The following ALCAM variants were observed in gnomAD, a reference collection of about 807,000 sequenced individuals.
The protein encoded by ALCAM is activated leukocyte cell adhesion molecule.
A neutral mutation model predicts 70.9 loss-of-function variants in ALCAM; 30 were observed. That is an observed-to-expected ratio of 0.42 (90% confidence interval 0.32 to 0.57). ALCAM has a LOEUF of 0.57. ALCAM is among the 20% of genes least tolerant of loss of function. The pLI is 0.11. For synonymous variants in ALCAM, 249 were observed against 242.5 expected, an observed-to-expected ratio of 1.03 and a Z score of -0.25; for missense variants, 591 against 695.1, an observed-to-expected ratio of 0.85 and a Z score of 1.68.
rs1936704060 is a variant in ALCAM, at chr3:105,422,919, G to A, written c.73+55438G>A. 2.6e-5 allele frequency among the ~76,000 whole-genome samples: 4 copies of A among 151,524 alleles called. No homozygotes were observed. In the South Asian group the frequency reaches 8.3e-4, roughly 31 times the overall value. On this transcript the variant is annotated intron_variant, in intron 1 of 15. Coordinates refer to ENST00000306107, the MANE Select transcript of ALCAM (RefSeq NM_001627.4). ...GAAATGATTACACTCATAACTATCA[G>A]TTGTACTAGTTCGGCCTTGAAAATA...
chr3:105,533,207 C>G (rs1035480820), intron 4 of ALCAM, among the ~76,000 whole-genome samples: 1 of 151,988 alleles, frequency 6.6e-6, no homozygotes, highest in Non-Finnish European at 1.5e-5. Context: ...GAGACACAGC[C>G]CCATTTTAAC....
chr3:105,512,692 T>A (rs149807070), intron 1 of ALCAM, among the ~76,000 whole-genome samples: 1 of 151,990 alleles, frequency 6.6e-6, no homozygotes, highest in Non-Finnish European at 1.5e-5. Context: ...AAAATTTAGT[T>A]CTTTAGCAAG....
chr3:105,367,350 A>G lies in ALCAM; in HGVS notation c.-59A>G. The G allele has an allele frequency of 3.2e-6, 5 of 1,582,720 alleles. No individual in the cohort carries two copies. Among genetic ancestry groups the G allele is most frequent in the Non-Finnish European group, 4.3e-6 (5 of 1,157,578 alleles). On this transcript the variant is annotated 5_prime_UTR_variant, in exon 1 of 16. Transcript: ENST00000306107. ...GCGCGCGGGCACCGCGGGGCCCGGGACGACGCCCCCTCCTGCGGCGTGGAC... is the reference window on the plus strand; with the variant it reads ...GCGCGCGGGCACCGCGGGGCCCGGGGCGACGCCCCCTCCTGCGGCGTGGAC...
chr3:105,443,622 A>AT (rs1937229389), intron 1 of ALCAM, among the ~76,000 whole-genome samples: 1 of 152,246 alleles, frequency 6.6e-6, no homozygotes, highest in South Asian at 2.1e-4. Flanking sequence ...CTTTTAAATT[A>AT]TAATAAAACA....
chr3:105,424,822 C>T (rs2033802), intron 1 of ALCAM, among the ~76,000 whole-genome samples: 81,680 of 151,406 alleles, frequency 0.54, 22,727 homozygotes, highest in East Asian at 0.88. Context: ...ACAAATGATA[C>T]GTTGATAGAC....
At chr3:105,548,144 A>C (rs771110162) in intron 11 of ALCAM, among the ~76,000 whole-genome samples, 8 of 151,472 alleles carry the variant, frequency 5.3e-5, no homozygotes, top group African/African-American at 1.9e-4. Context: ...TTATTTTAGT[A>C]ATAGTAAAGG....
intron 1 of ALCAM, among the ~76,000 whole-genome samples, chr3:105,375,827 C>G (rs148439784): frequency 4.1e-4 from 63 of 152,250 alleles, no homozygotes; most frequent in African/African-American, 1.4e-3. Flanking sequence ...TTGTATCAGT[C>G]AGAAAAGGCG....
chr3:105,541,664 C>T lies in ALCAM; in HGVS notation c.890C>T (p.Thr297Ile), dbSNP rs750376088. 2.4e-5 allele frequency: 38 copies of T among 1,611,906 alleles called. No homozygotes were observed. The highest frequency in any genetic ancestry group is 3.1e-5 in the Non-Finnish European group (36 of 1,178,728). The change falls in exon 8 of 16, where the codon ACT becomes ATT. Residue 297 changes from threonine (T) to isoleucine (I), a missense_variant. By Grantham distance (89) the Thr-to-Ile change is moderately conservative. Coordinates refer to ENST00000306107, the MANE Select transcript of ALCAM (RefSeq NM_001627.4). ...CCCGAAGGAATAAGAAGCTCAAATA[C>T]TTACACACTGACGGATGTGAGGCGC... Reference protein sequence around the residue: ...GQPEGIRSSNTYTLTDVRRNA... With the variant: ...GQPEGIRSSNIYTLTDVRRNA...
In ALCAM at chr3:105,441,050, G is replaced by T. The variant is rs79572864; in HGVS notation, c.73+73569G>T. 9.0e-3 allele frequency among the ~76,000 whole-genome samples: 1,368 copies of T among 152,236 alleles called. 16 individuals are homozygous for T. The highest frequency in any genetic ancestry group is 0.015 in the African/African-American group (622 of 41,550). Reference sequence around the variant, plus strand: ...GGAGTTAGAACCTCCATCCAAGAATGCCTGAGCTAATGTAAATTAAGATCT... The same window carrying T: ...GGAGTTAGAACCTCCATCCAAGAATTCCTGAGCTAATGTAAATTAAGATCT... On this transcript the variant is annotated intron_variant, in intron 1 of 15. Transcript: ENST00000306107.
At chr3:105,501,320 T>C (rs149611402) in intron 1 of ALCAM, among the ~76,000 whole-genome samples, 1 of 152,352 alleles carries the variant, frequency 6.6e-6, no homozygotes, top group African/African-American at 2.4e-5. Flanking sequence ...CAGTAATTCC[T>C]GAAAGTCTCA....
chr3:105,393,519 G>A (rs1935875069), intron 1 of ALCAM, among the ~76,000 whole-genome samples: 1 of 151,768 alleles, frequency 6.6e-6, no homozygotes, highest in African/African-American at 2.4e-5. Flanking sequence ...AGTATTTCTG[G>A]AGAAGTATTT....
At chr3:105,400,987 A>G (rs1409829642) in intron 1 of ALCAM, among the ~76,000 whole-genome samples, 2 of 152,248 alleles carry the variant, frequency 1.3e-5, no homozygotes, top group African/African-American at 2.4e-5. Flanking sequence ...CAAGAATCGA[A>G]CTATTACTAA....
intron 2 of ALCAM, 137 bp from the exon 3 acceptor site, chr3:105,524,152 A>T (rs1435343746): frequency 1.4e-6 from 1 of 728,888 alleles, no homozygotes; most frequent in Non-Finnish European, 2.2e-6. Flanking sequence ...TTTACGTGAG[A>T]CTTGTATAAA....
intron 1 of ALCAM, among the ~76,000 whole-genome samples, chr3:105,402,050 A>G (rs1936103121): frequency 6.6e-6 from 1 of 152,154 alleles, no homozygotes; most frequent in African/African-American, 2.4e-5. Context: ...AAGCAAAGTG[A>G]GTGATAGAAA....
rs148126877 is a variant in ALCAM at position 105,372,983 on chromosome 3, A to G, written c.73+5502A>G. On this transcript the variant is annotated intron_variant, in intron 1 of 15. Coordinates refer to ENST00000306107, the MANE Select transcript of ALCAM (RefSeq NM_001627.4). Reference sequence around the variant, plus strand: ...GCCTTTGCTCAATGACACTTCCACTATGAATAATTTGTTTAGCTCTGCAAA... The same window carrying G: ...GCCTTTGCTCAATGACACTTCCACTGTGAATAATTTGTTTAGCTCTGCAAA... Among the ~76,000 whole-genome samples the G allele has an allele frequency of 8.5e-3, 1,297 of 152,250 alleles. 19 individuals carry two copies. Among genetic ancestry groups the G allele is most frequent in the African/African-American group, 0.029 (1,210 of 41,552 alleles).
Position 105,501,775 on chromosome 3 carries a change from C to T in ALCAM, c.74-18292C>T, listed in dbSNP as rs74914230. 5.5e-3 allele frequency among the ~76,000 whole-genome samples: 833 copies of T among 152,248 alleles called. 7 individuals carry two copies. The highest frequency in any genetic ancestry group is 0.019 in the African/African-American group (803 of 41,538). On this transcript the variant is annotated intron_variant, in intron 1 of 15. Transcript: ENST00000306107. ...TCCTGCATGCAGCATGGCTTCTAAG[C>T]TCACAAGCTTATTATGAGAGTAGTA...
intron 1 of ALCAM, among the ~76,000 whole-genome samples, chr3:105,515,255 T>A (rs1939351456): frequency 1.3e-5 from 2 of 152,056 alleles, no homozygotes; most frequent in Non-Finnish European, 2.9e-5. Context: ...TGATATTTTA[T>A]CAGTCTTTGT....
intron 1 of ALCAM, among the ~76,000 whole-genome samples, chr3:105,390,345 T>G (rs562773020): frequency 1.3e-4 from 20 of 152,144 alleles, no homozygotes; most frequent in African/African-American, 4.6e-4. Flanking sequence ...CTCTAATGAT[T>G]AGTGACTTTG....
intron 14 of ALCAM, among the ~76,000 whole-genome samples, chr3:105,566,889 G>C (rs577295): frequency 0.14 from 21,875 of 151,810 alleles, 1,755 homozygotes; most frequent in Admixed American, 0.27. Flanking sequence ...ATTCCCATCT[G>C]GTGTTACTTC....
Sources: allele counts gnomAD v4.1 joint callset (sites outside exome capture counted in the v4.1 genomes callset), GRCh38; gene constraint gnomAD v4.1.1; transcripts MANE v1.5; gene names NCBI Gene and HGNC (gene_info 2026-07-23, HGNC 2026-07-21).